Variants in PRELID2 observed in about 807,000 individuals in gnomAD.
PRELID2 encodes the protein PRELI domain-containing protein 2.
In PRELID2, 25 loss-of-function variants were observed where a neutral mutation model predicts 28.4. The observed-to-expected ratio is 0.88, with a 90% CI of 0.64 to 1.23. The LOEUF (loss-of-function observed/expected upper bound fraction) is 1.23. Among genes scored for constraint, PRELID2 ranks in the 50% most tolerant of loss-of-function variants. The probability of loss-of-function intolerance (pLI) is 0.00; values close to 1 mark genes in which losing one functional copy is unlikely to be tolerated. For synonymous variants in PRELID2, 76 were observed against 71.6 expected (o/e 1.06, Z -0.31); for missense variants, 201 against 214.4 (o/e 0.94, Z 0.39).
intron 1 of PRELID2, among the ~76,000 whole-genome samples, chr5:145,740,619 T>A (rs111466369): frequency 8.6e-5 from 1 of 11,660 alleles, no homozygotes; most frequent in African/African-American, 1.3e-4. Flanking sequence ...TATATAAATA[T>A]ATATATATTA....
chr5:145,277,446 C>T, the PRELID2 span, among the ~76,000 whole-genome samples: 7 of 152,134 alleles, frequency 4.6e-5, no homozygotes, highest in Admixed American at 2.6e-4. Context: ...TCAACAATAT[C>T]TTCCCATTCT....
intron 5 of PRELID2, among the ~76,000 whole-genome samples, chr5:145,777,755 A>C (rs1401323305): frequency 6.6e-6 from 1 of 152,138 alleles, no homozygotes; most frequent in Non-Finnish European, 1.5e-5. Flanking sequence ...CCCTGCCCCC[A>C]TGGGCACAGC....
At chr5:145,425,427 A>G in the PRELID2 span, among the ~76,000 whole-genome samples, 243 of 152,342 alleles carry the variant, frequency 1.6e-3, no homozygotes, top group African/African-American at 5.6e-3. Flanking sequence ...AGGAATATAA[A>G]TCATTCTATT....
intron 1 of PRELID2, among the ~76,000 whole-genome samples, chr5:145,715,139 A>G (rs1755807779): frequency 6.6e-6 from 1 of 152,142 alleles, no homozygotes; most frequent in Non-Finnish European, 1.5e-5. Context: ...TGTACTTCTG[A>G]TAGAAATGTT....
chr5:145,825,999 T>A (rs982236997), intron 1 of PRELID2: 1 of 984,676 alleles, frequency 1.0e-6, no homozygotes, highest in Admixed American at 6.1e-5. Context: ...AACACTTACC[T>A]GGGAAGACAG....
At chr5:145,635,459 T>C (rs1203381923) in intron 1 of PRELID2, among the ~76,000 whole-genome samples, 1 of 152,220 alleles carries the variant, frequency 6.6e-6, no homozygotes, top group African/African-American at 2.4e-5. Context: ...TCTGGTTGAA[T>C]ACTTCATATT....
At chr5:145,296,511 G>T in the PRELID2 span, among the ~76,000 whole-genome samples, 1 of 152,080 alleles carries the variant, frequency 6.6e-6, no homozygotes, top group East Asian at 1.9e-4. Context: ...TCCATACAAA[G>T]GACATGAACT....
chr5:145,291,337 GA>G, the PRELID2 span, among the ~76,000 whole-genome samples: 607 of 41,722 alleles, frequency 0.015, 2 homozygotes, highest in African/African-American at 0.029. Context: ...CTCTGTTTCA[GA>G]AAAAAAAAAA....
intron 1 of PRELID2, among the ~76,000 whole-genome samples, chr5:145,734,537 T>A (rs958652719): frequency 6.6e-6 from 1 of 152,188 alleles, no homozygotes; most frequent in African/African-American, 2.4e-5. Context: ...AGTCTACCAA[T>A]GAATAAGTGA....
At chr5:145,451,328 CTT>C in the PRELID2 span, among the ~76,000 whole-genome samples, 2 of 152,208 alleles carry the variant, frequency 1.3e-5, no homozygotes, top group Non-Finnish European at 2.9e-5. Context: ...TCACCCAAGA[CTT>C]TGCTCAAATA....
At chr5:145,263,318 A>G in the PRELID2 span, among the ~76,000 whole-genome samples, 4 of 152,166 alleles carry the variant, frequency 2.6e-5, no homozygotes, top group African/African-American at 9.6e-5. Context: ...TTAATACCAT[A>G]CCCTGGAAAA....
At chr5:145,559,040 G>A (rs1282020459) in intron 1 of PRELID2, among the ~76,000 whole-genome samples, 1 of 152,156 alleles carries the variant, frequency 6.6e-6, no homozygotes, top group South Asian at 2.1e-4. Flanking sequence ...GGATCACGAG[G>A]TCAGGAGATC....
At chr5:145,360,946 A>C in the PRELID2 span, among the ~76,000 whole-genome samples, 43 of 152,170 alleles carry the variant, frequency 2.8e-4, no homozygotes, top group Non-Finnish European at 4.4e-5. Context: ...GTATCCTACT[A>C]TGTGCTGTAG....
At chr5:145,704,956 G>C (rs1755504761) in intron 1 of PRELID2, among the ~76,000 whole-genome samples, 1 of 152,154 alleles carries the variant, frequency 6.6e-6, no homozygotes, top group African/African-American at 2.4e-5. Flanking sequence ...CAGAAGCCCA[G>C]CTGAGCCCAG....
At chr5:145,664,808 G>A (rs114649109) in intron 1 of PRELID2, among the ~76,000 whole-genome samples, 218 of 152,160 alleles carry the variant, frequency 1.4e-3, no homozygotes, top group African/African-American at 5.0e-3. Context: ...ACTCCAGCAC[G>A]GCTTTGCTGA....
chr5:145,800,844 T>TA (rs1753088390), intron 4 of PRELID2, among the ~76,000 whole-genome samples: 1 of 152,196 alleles, frequency 6.6e-6, no homozygotes, highest in Admixed American at 6.6e-5. Context: ...ACACTCTTCT[T>TA]ACTACAAATA....
the PRELID2 span, among the ~76,000 whole-genome samples, chr5:145,408,521 A>G: frequency 2.0e-5 from 3 of 147,508 alleles, no homozygotes; most frequent in Admixed American, 2.1e-4. Flanking sequence ...ATAAATAGAT[A>G]TATTAAAGAA....
rs1237215515 is a variant in PRELID2 at position 145,756,949 on chromosome 5, T to A, written c.*3587A>T. Among the ~76,000 whole-genome samples the A allele has an allele frequency of 6.6e-6, 1 of 151,954 alleles. No homozygotes were observed. Among genetic ancestry groups the A allele is most frequent in the Admixed American group, 6.6e-5 (1 of 15,260 alleles). On this transcript the variant is annotated 3_prime_UTR_variant, in exon 7 of 7. Transcript: ENST00000683046. ...TCTGGAGCCTTCAGTGTAGGGACTTTAACAAAACTAAGTAGGGCCTGAAAG... is the reference window on the plus strand; with the variant it reads ...TCTGGAGCCTTCAGTGTAGGGACTTAAACAAAACTAAGTAGGGCCTGAAAG...
the PRELID2 span, among the ~76,000 whole-genome samples, chr5:145,255,437 A>G: frequency 2.6e-5 from 4 of 152,224 alleles, no homozygotes; most frequent in Non-Finnish European, 2.9e-5. Context: ...TATTTTTTAA[A>G]TGATAACAGA....
Sources: allele counts gnomAD v4.1 joint callset (sites outside exome capture counted in the v4.1 genomes callset), GRCh38; gene constraint gnomAD v4.1.1; transcripts MANE v1.5; gene names NCBI Gene and HGNC (gene_info 2026-07-23, HGNC 2026-07-21).